SARDH: variants seen among roughly 807,000 people sequenced by gnomAD.
The protein encoded by SARDH is sarcosine dehydrogenase, mitochondrial.
In SARDH, 95 loss-of-function variants were observed where a neutral mutation model predicts 109.1. The ratio of observed to expected loss-of-function variants is 0.87; its 90% CI spans 0.74 to 1.03. SARDH has a LOEUF of 1.03. SARDH is among the 50% of genes least tolerant of loss of function. The probability of loss-of-function intolerance (pLI) is 0.00; values close to 1 mark genes in which losing one functional copy is unlikely to be tolerated. For missense variants in SARDH, 1,267 were observed against 1,287.8 expected, an observed-to-expected ratio of 0.98 and a Z score of 0.25; for synonymous variants, 572 against 534.8, an observed-to-expected ratio of 1.07 and a Z score of -0.96.
At position 133,732,572 on chromosome 9, in the gene SARDH, C is replaced by A; in HGVS notation, c.361G>T (p.Val121Leu). 2 of 1,611,750 alleles carry A rather than the reference C, an allele frequency of 1.2e-6. No homozygotes were observed. Among genetic ancestry groups the A allele is most frequent in the Non-Finnish European group, 1.7e-6 (2 of 1,178,880 alleles). Reference sequence around the variant, plus strand: ...GTGTGGGCCAGAAGCTCCACCTCCACGTCACTGGGCCGCAGCTGCCACAGC... The same window carrying A: ...GTGTGGGCCAGAAGCTCCACCTCCAAGTCACTGGGCCGCAGCTGCCACAGC... The part of the protein sequence containing the change: ...GLLWQLRPSD[V>L]EVELLAHTRR... Residue 121 changes from valine to leucine, a missense_variant, in exon 3 of 21, where the codon GTG becomes TTG. Physicochemically the swap from Val to Leu is conservative, Grantham distance 32. Coordinates refer to ENST00000439388, the MANE Select transcript of SARDH (RefSeq NM_001134707.2).
chr9:133,694,435 T>C lies in SARDH; in HGVS notation c.1808-64A>G. 5 of 1,343,730 alleles carry C rather than the reference T, an allele frequency of 3.7e-6. No individual in the cohort carries two copies. In the South Asian group the frequency reaches 6.3e-5, roughly 17 times the overall value. The allele number at this position is 1,343,730 out of a possible 1,614,324, so 83.2% of individuals were successfully genotyped here. On this transcript the variant is annotated intron_variant, in intron 14 of 20. Transcript: ENST00000439388. ...CCCAGCCGGGTCTGTGCTGCCTCAG[T>C]TTCCCCAGGGCCGCTCACAGGGGCA...
chr9:133,682,694 C>T (rs1830737717), intron 17 of SARDH, among the ~76,000 whole-genome samples: 1 of 139,102 alleles, frequency 7.2e-6, no homozygotes, highest in South Asian at 2.4e-4. Context: ...GCACTCAGCC[C>T]CTGTGCTGAA....
chr9:133,685,547 G>A (rs926705364), intron 16 of SARDH, among the ~76,000 whole-genome samples: 10 of 152,310 alleles, frequency 6.6e-5, no homozygotes, highest in Admixed American at 1.3e-4. Flanking sequence ...AACGGGACTC[G>A]CGATTCTTAG....
chr9:133,705,403 G>A (rs1418996919), intron 11 of SARDH, among the ~76,000 whole-genome samples: 1 of 37,524 alleles, frequency 2.7e-5, no homozygotes, highest in Non-Finnish European at 5.9e-5. Context: ...CCCTCACCCT[G>A]AGAACCCCCA....
chr9:133,714,989 C>T (rs572647666), intron 8 of SARDH, among the ~76,000 whole-genome samples: 23 of 152,196 alleles, frequency 1.5e-4, no homozygotes, highest in Non-Finnish European at 2.5e-4. Context: ...ATGACTCATG[C>T]GGGTTGAGTA....
intron 17 of SARDH, among the ~76,000 whole-genome samples, chr9:133,684,117 A>G (rs982162097): frequency 4.6e-5 from 7 of 152,190 alleles, no homozygotes; most frequent in African/African-American, 1.7e-4. Flanking sequence ...CCCTGCAAAC[A>G]AGCAGGGTGG....
intron 1 of SARDH, among the ~76,000 whole-genome samples, chr9:133,735,988 C>G (rs62572818): frequency 0.053 from 7,951 of 150,910 alleles, 315 homozygotes; most frequent in Middle Eastern, 0.075. Flanking sequence ...TGCAGTAAGC[C>G]GAGATTGTGC....
intron 13 of SARDH, among the ~76,000 whole-genome samples, chr9:133,696,623 A>C (rs1831298790): frequency 6.6e-6 from 1 of 152,220 alleles, no homozygotes; most frequent in Admixed American, 6.5e-5. Context: ...AAATCATACA[A>C]AGGATGTCCT....
intron 11 of SARDH, among the ~76,000 whole-genome samples, chr9:133,707,225 C>G (rs1405839122): frequency 1.3e-5 from 2 of 152,220 alleles, no homozygotes; most frequent in Non-Finnish European, 2.9e-5. Context: ...TGCCAAGTTT[C>G]TTCGGTAGAG....
intron 3 of SARDH, 96 bp downstream of exon 3, chr9:133,732,326 AC>A (rs1168947411): frequency 1.4e-5 from 7 of 497,222 alleles, no homozygotes; most frequent in East Asian, 8.1e-5. Flanking sequence ...AGCCCACCCT[AC>A]CCCCCCACAG....
chr9:133,715,869 A>G (rs1564285469), intron 8 of SARDH, among the ~76,000 whole-genome samples: 1 of 152,160 alleles, frequency 6.6e-6, no homozygotes, highest in Non-Finnish European at 1.5e-5. Context: ...CACCCATTCC[A>G]GTGCCCTTCA....
chr9:133,713,342 C>G (rs79775681), intron 8 of SARDH, among the ~76,000 whole-genome samples: 2,525 of 152,258 alleles, frequency 0.017, 80 homozygotes, highest in African/African-American at 0.059. Context: ...CTGCCAGAAC[C>G]AGCTGACGGC....
At position 133,693,605 on chromosome 9, in the gene SARDH, T is replaced by G. The variant is rs368216889; in HGVS notation, c.1921+653A>C. Among the ~76,000 whole-genome samples the G allele has an allele frequency of 2.0e-4, 31 of 152,172 alleles. No homozygotes were observed. The South Asian group carries it at 2.5e-3, about 12-fold the overall frequency. On this transcript the variant is annotated intron_variant, in intron 15 of 20. Transcript: ENST00000439388. This position sits in a 1 kb window ranked among gnomAD's most constrained non-coding sequence, Gnocchi z 5.6. Reference sequence around the variant, plus strand: ...TCCCTCTCTGCTTCTTCATCCCTGGTGGGGATGGGTTACAGGACGAGAGAT... The same window carrying G: ...TCCCTCTCTGCTTCTTCATCCCTGGGGGGGATGGGTTACAGGACGAGAGAT...
chr9:133,689,548 T>C (rs1831017509), intron 16 of SARDH, among the ~76,000 whole-genome samples: 1 of 152,220 alleles, frequency 6.6e-6, no homozygotes, highest in Admixed American at 6.5e-5. Flanking sequence ...GCCCTGGCAC[T>C]GACCAGCTGT....
upstream of SARDH, among the ~76,000 whole-genome samples, chr9:133,739,209 C>T (rs531508702): frequency 2.6e-5 from 4 of 152,304 alleles, no homozygotes; most frequent in Admixed American, 6.5e-5. Context: ...CTCCTCCTCG[C>T]GCTGGATCAA....
At position 133,704,961 on chromosome 9, in the gene SARDH, C is replaced by T. The variant is rs968694983; in HGVS notation, c.1541G>A (p.Arg514Gln). 1.3e-6 allele frequency: 2 copies of T among 1,578,914 alleles called. No homozygotes were observed. Among genetic ancestry groups the T allele is most frequent in the African/African-American group, 1.3e-5 (1 of 74,514 alleles). Residue 514 changes from arginine to glutamine, a missense_variant, in exon 12 of 21, where the codon CGA becomes CAA. By Grantham distance (43) the Arg-to-Gln change is conservative (BLOSUM62 1). Coordinates refer to ENST00000439388, the MANE Select transcript of SARDH (RefSeq NM_001134707.2). This position sits in a 1 kb window ranked among gnomAD's most constrained non-coding sequence, Gnocchi z 4.5. The part of the protein sequence containing the change: ...GWERPGWFHP[R>Q]GPAPVLEYDY... ...GGCACTACTCACCGGAGCTGGGCCT[C>T]GGGGATGAAACCATCCCGGTCGCTC...
chr9:133,669,321 C>G (rs1588375447), intron 19 of SARDH, among the ~76,000 whole-genome samples: 1 of 80,496 alleles, frequency 1.2e-5, no homozygotes, highest in Non-Finnish European at 2.5e-5. Context: ...CTCCCTCACC[C>G]TCCCTCTCCC....
At chr9:133,699,530 A>C (rs1439412276) in intron 13 of SARDH, among the ~76,000 whole-genome samples, 4 of 151,896 alleles carry the variant, frequency 2.6e-5, no homozygotes, top group African/African-American at 9.7e-5. Context: ...AATAATAATA[A>C]GACAAATAAC....
intron 19 of SARDH, among the ~76,000 whole-genome samples, chr9:133,670,197 T>C (rs536213332): frequency 1.2e-4 from 19 of 152,132 alleles, no homozygotes; most frequent in Admixed American, 1.1e-3. Flanking sequence ...GGTGTGGTAG[T>C]GCACGCCTGT....
Sources: allele counts gnomAD v4.1 joint callset (sites outside exome capture counted in the v4.1 genomes callset), GRCh38; gene constraint gnomAD v4.1.1; non-coding constraint Gnocchi (gnomAD v3.1); transcripts MANE v1.5; gene names NCBI Gene and HGNC (gene_info 2026-07-23, HGNC 2026-07-21).